SLC44A5: variants seen among roughly 807,000 people sequenced by gnomAD.
SLC44A5 encodes choline transporter-like protein 5.
In SLC44A5, 57 loss-of-function variants were observed where a neutral mutation model predicts 101.8. The ratio of observed to expected loss-of-function variants is 0.56; its 90% CI spans 0.45 to 0.70. The LOEUF (loss-of-function observed/expected upper bound fraction) is 0.70. SLC44A5 is among the 30% of genes least tolerant of loss of function. The pLI is 0.00. For synonymous variants in SLC44A5, 281 were observed against 290.9 expected, an observed-to-expected ratio of 0.97 and a Z score of 0.35; for missense variants, 737 against 853.1, an observed-to-expected ratio of 0.86 and a Z score of 1.70.
At chr1:75,496,092 C>T (rs1197462260) in intron 2 of SLC44A5, among the ~76,000 whole-genome samples, 1 of 151,872 alleles carries the variant, frequency 6.6e-6, no homozygotes, top group East Asian at 1.9e-4. Flanking sequence ...GCAATTTTCA[C>T]AGAAATGAAA....
intron 3 of SLC44A5, among the ~76,000 whole-genome samples, chr1:75,395,471 T>C (rs1314617395): frequency 6.6e-6 from 1 of 152,158 alleles, no homozygotes; most frequent in Non-Finnish European, 1.5e-5. Flanking sequence ...TTCTACCTTA[T>C]ATGATCATAT....
chr1:75,268,482 G>C (rs1032211184), intron 6 of SLC44A5, among the ~76,000 whole-genome samples: 3 of 151,976 alleles, frequency 2.0e-5, no homozygotes, highest in Non-Finnish European at 2.9e-5. Flanking sequence ...TTAAACGTAG[G>C]CTTCATGAGG....
In SLC44A5 at chr1:75,337,662, G is replaced by A. The variant is rs1233954620; in HGVS notation, c.101+1920C>T. On this transcript the variant is annotated intron_variant, in intron 4 of 23. Coordinates refer to ENST00000370859, the MANE Select transcript of SLC44A5 (RefSeq NM_001130058.2). The stretch of plus-strand genomic sequence containing the variant: ...TCAAAATCATCTTCTCTTGGTTATT[G>A]GACAATAGCTCTCATACACCCAGTT... Among the ~76,000 whole-genome samples, 4 of 152,084 alleles carry A rather than the reference G, an allele frequency of 2.6e-5. No individual in the cohort carries two copies. In the East Asian group the frequency reaches 7.7e-4, roughly 29 times the overall value.
intron 4 of SLC44A5, among the ~76,000 whole-genome samples, chr1:75,316,913 G>T (rs1326926902): frequency 6.6e-6 from 1 of 152,156 alleles, no homozygotes; most frequent in African/African-American, 2.4e-5. Context: ...GTGTAAGGTT[G>T]AGCCAGCAAA....
intron 7 of SLC44A5, among the ~76,000 whole-genome samples, chr1:75,243,332 T>G (rs984761353): frequency 1.3e-5 from 2 of 152,002 alleles, no homozygotes; most frequent in Admixed American, 1.3e-4. Context: ...AGTCGGGGTT[T>G]TGCCATGTTT....
chr1:75,649,681 T>C, the SLC44A5 span, among the ~76,000 whole-genome samples: 1 of 152,172 alleles, frequency 6.6e-6, no homozygotes, highest in South Asian at 2.1e-4. Flanking sequence ...ATCTATGTCT[T>C]CTTGAAGAAT....
At chr1:75,511,489 C>A (rs77549660) in intron 2 of SLC44A5, among the ~76,000 whole-genome samples, 1 of 152,068 alleles carries the variant, frequency 6.6e-6, no homozygotes, top group African/African-American at 2.4e-5. Context: ...TCCAAAAAAA[C>A]TACAAATGCA....
intron 2 of SLC44A5, among the ~76,000 whole-genome samples, chr1:75,463,149 C>T (rs563148466): frequency 6.3e-4 from 96 of 152,292 alleles, no homozygotes; most frequent in African/African-American, 2.2e-3. Flanking sequence ...TGGCTGGGCA[C>T]GGTGGCTCAC....
rs140597248 is a variant in SLC44A5, at chr1:75,302,024, G to A, written c.102-1339C>T. 1.3e-4 allele frequency among the ~76,000 whole-genome samples: 18 copies of A among 143,100 alleles called. No individual in the cohort carries two copies. The East Asian group carries it at 4.1e-3, about 32-fold the overall frequency. The allele number at this position is 143,100 out of a possible 152,430, so 93.9% of individuals were successfully genotyped here. On this transcript the variant is annotated intron_variant, in intron 4 of 23. Coordinates refer to ENST00000370859, the MANE Select transcript of SLC44A5 (RefSeq NM_001130058.2). ...ACAAACTGTCATTTGTTTAAATCTA[G>A]TTTCAACCCAGGAATTTTTAATTTC...
intron 1 of SLC44A5, among the ~76,000 whole-genome samples, chr1:75,590,163 C>T (rs975122984): frequency 2.0e-5 from 3 of 151,772 alleles, no homozygotes; most frequent in Non-Finnish European, 4.4e-5. Context: ...AAAAGAGACC[C>T]CTTCCTTCTG....
upstream of SLC44A5, among the ~76,000 whole-genome samples, chr1:75,611,693 T>C (rs893095178): frequency 2.0e-5 from 3 of 152,206 alleles, no homozygotes; most frequent in African/African-American, 7.2e-5. Flanking sequence ...GTCAAAAGCA[T>C]AAAAGTACCC....
rs1212813792 is a variant in SLC44A5, at chr1:75,336,873, A to G, written c.101+2709T>C. Among the ~76,000 whole-genome samples, 16 of 152,198 alleles carry G rather than the reference A, an allele frequency of 1.1e-4. 1 individual carries two copies. The highest frequency in any genetic ancestry group is 8.8e-5 in the Non-Finnish European group (6 of 68,040). ...AAAATAGTATGAGGTGTATTCCATGAGACCTAGTAATGCAAATAGCGCAGA... is the reference window on the plus strand; with the variant it reads ...AAAATAGTATGAGGTGTATTCCATGGGACCTAGTAATGCAAATAGCGCAGA... On this transcript the variant is annotated intron_variant, in intron 4 of 23. Coordinates refer to ENST00000370859, the MANE Select transcript of SLC44A5 (RefSeq NM_001130058.2).
At chr1:75,438,287 A>T (rs908172669) in intron 2 of SLC44A5, among the ~76,000 whole-genome samples, 5 of 152,238 alleles carry the variant, frequency 3.3e-5, no homozygotes, top group African/African-American at 4.8e-5. Context: ...AGAAAGCCTG[A>T]TTGGAGTGGT....
At chr1:75,619,227 A>G in the SLC44A5 span, among the ~76,000 whole-genome samples, 20 of 149,516 alleles carry the variant, frequency 1.3e-4, no homozygotes, top group Admixed American at 1.2e-3. Context: ...GACGGAGAGC[A>G]GGAGGGAGGG....
At chr1:75,428,043 G>A (rs544539718) in intron 2 of SLC44A5, among the ~76,000 whole-genome samples, 13 of 152,286 alleles carry the variant, frequency 8.5e-5, no homozygotes, top group East Asian at 3.9e-4. Flanking sequence ...CCTCGAGTAC[G>A]GCAAGGAGGA....
chr1:75,671,851 A>C, the SLC44A5 span, among the ~76,000 whole-genome samples: 1 of 152,250 alleles, frequency 6.6e-6, no homozygotes, highest in Non-Finnish European at 1.5e-5. Flanking sequence ...CTGTAGAGGA[A>C]CTGAAACTAT....
At chr1:75,370,662 A>T (rs1387645327) in intron 3 of SLC44A5, among the ~76,000 whole-genome samples, 4 of 152,118 alleles carry the variant, frequency 2.6e-5, no homozygotes, top group African/African-American at 9.7e-5. Context: ...TTCCACAAAA[A>T]CTCACAAGTG....
chr1:75,704,327 A>T, the SLC44A5 span, among the ~76,000 whole-genome samples: 3 of 152,068 alleles, frequency 2.0e-5, no homozygotes, highest in Admixed American at 2.0e-4. Flanking sequence ...CTTTAACAAC[A>T]GGAAAATAAA....
intron 2 of SLC44A5, among the ~76,000 whole-genome samples, chr1:75,536,886 G>T (rs1354651812): frequency 7.2e-6 from 1 of 138,746 alleles, no homozygotes; most frequent in African/African-American, 2.6e-5. Flanking sequence ...GGCGCCTGTA[G>T]TCCCAGCTAC....
Sources: allele counts gnomAD v4.1 joint callset (sites outside exome capture counted in the v4.1 genomes callset), GRCh38; gene constraint gnomAD v4.1.1; transcripts MANE v1.5; gene names NCBI Gene and HGNC (gene_info 2026-07-23, HGNC 2026-07-21).